The following PCDHGA4 variants were observed in gnomAD, a reference collection of about 807,000 sequenced individuals.
PCDHGA4 encodes protocadherin gamma-A4.
A neutral mutation model predicts 54.6 loss-of-function variants in PCDHGA4; 38 were observed. The ratio of observed to expected loss-of-function variants is 0.70; its 90% CI spans 0.54 to 0.91. PCDHGA4 has a LOEUF of 0.91. Ranked by LOEUF, PCDHGA4 falls within the 40% of genes least tolerant of loss-of-function variation. The probability of loss-of-function intolerance (pLI) is 0.00; values close to 1 mark genes in which losing one functional copy is unlikely to be tolerated. For missense variants in PCDHGA4, 1,298 were observed against 1,220.9 expected, an observed-to-expected ratio of 1.06 and a Z score of -0.94; for synonymous variants, 511 against 512.9, an observed-to-expected ratio of 1.00 and a Z score of 0.05.
At chr5:141,410,479 G>A in intron 1 of PCDHGA4, 2 of 1,613,956 alleles carry the variant, frequency 1.2e-6, no homozygotes, top group Non-Finnish European at 1.7e-6. Flanking sequence ...TTGCACATAC[G>A]GGTACAAAAG....
rs765809429 is a variant in PCDHGA4 at position 141,511,205 on chromosome 5, C to A, written c.*32C>A. On this transcript the variant is annotated 3_prime_UTR_variant, in exon 4 of 4. Coordinates refer to ENST00000571252, the MANE Select transcript of PCDHGA4 (RefSeq NM_018917.4). ...GGCCAGGCCAAGAGCCACAGGGCGGCCTCTCCCCAACCAGCCCAGCTTCTC... is the reference window on the plus strand; with the variant it reads ...GGCCAGGCCAAGAGCCACAGGGCGGACTCTCCCCAACCAGCCCAGCTTCTC... 4.3e-6 allele frequency: 7 copies of A among 1,611,426 alleles called. No homozygotes were observed. The Admixed American group carries it at 6.7e-5, about 15-fold the overall frequency.
chr5:141,413,381 G>A, intron 1 of PCDHGA4: 1 of 1,613,946 alleles, frequency 6.2e-7, no homozygotes, highest in Non-Finnish European at 8.5e-7. Flanking sequence ...CGCGGAGTCC[G>A]CATAGTCTCC....
intron 1 of PCDHGA4, among the ~76,000 whole-genome samples, chr5:141,407,377 C>A (rs1436703926): frequency 6.6e-6 from 1 of 152,170 alleles, no homozygotes; most frequent in Non-Finnish European, 1.5e-5. Context: ...TCCATGAAGG[C>A]TTGTATGTCA....
At chr5:141,403,574 C>A (rs1441332710) in intron 1 of PCDHGA4, 1 of 1,613,960 alleles carries the variant, frequency 6.2e-7, no homozygotes, top group Admixed American at 1.7e-5. Flanking sequence ...GGCAACTGCC[C>A]ACCACCTGGT....
At position 141,385,228 on chromosome 5, in the gene PCDHGA4, GAC is replaced by G. The variant is rs1361009837; in HGVS notation, c.2514+27609_2514+27610del. 9 of 1,614,224 alleles carry G rather than the reference GAC, an allele frequency of 5.6e-6. No individual in the cohort carries two copies. The South Asian group carries it at 8.8e-5, about 16-fold the overall frequency. On this transcript the variant is annotated intron_variant, in intron 1 of 3. Transcript: ENST00000571252. ...GATCTTCCCCCAGCCCAACTATGTAGACATGCTCATCAGCCAGGAGAGCTGTG... is the reference window on the plus strand; with the variant it reads ...GATCTTCCCCCAGCCCAACTATGTAGATGCTCATCAGCCAGGAGAGCTGTG...
chr5:141,478,381 C>A (rs931860600), intron 1 of PCDHGA4: 1 of 1,613,664 alleles, frequency 6.2e-7, no homozygotes, highest in Admixed American at 1.7e-5. Flanking sequence ...TGTCGCCGCA[C>A]CTTTACCATC....
At chr5:141,361,585 A>G in intron 1 of PCDHGA4, 1 of 1,614,014 alleles carries the variant, frequency 6.2e-7, no homozygotes, top group Non-Finnish European at 8.5e-7. Context: ...CTTGGGCCCC[A>G]GTGGCCAAGT....
rs771124496 is a variant in PCDHGA4, at chr5:141,489,457, C to T, written c.2515-5350C>T. The T allele has an allele frequency of 1.2e-5, 19 of 1,613,882 alleles. No homozygotes were observed. The highest frequency in any genetic ancestry group is 6.7e-5 in the African/African-American group (5 of 74,896). Reference sequence around the variant, plus strand: ...GCAATTGGGCTCTGAGGAGAATGGGCGCTATTTTTCCCTGAGCTTGATGAG... The same window carrying T: ...GCAATTGGGCTCTGAGGAGAATGGGTGCTATTTTTCCCTGAGCTTGATGAG... On this transcript the variant is annotated intron_variant, in intron 1 of 3. Coordinates refer to ENST00000571252, the MANE Select transcript of PCDHGA4 (RefSeq NM_018917.4). The surrounding 1 kb of genome is among the most constrained non-coding windows in gnomAD (Gnocchi z 4.5).
Position 141,371,905 on chromosome 5 carries a change from A to C in PCDHGA4, c.2514+14284A>C, listed in dbSNP as rs768388601. 6 of 1,613,358 alleles carry C rather than the reference A, an allele frequency of 3.7e-6. No homozygotes were observed. In the South Asian group the frequency reaches 6.6e-5, roughly 18 times the overall value. On this transcript the variant is annotated intron_variant, in intron 1 of 3. Coordinates refer to ENST00000571252, the MANE Select transcript of PCDHGA4 (RefSeq NM_018917.4). ...CTGGAGCCGCGGGAGCTGTCGTCCTACGTGTCCGTGAGCGCGCGGAGCGGG... is the reference window on the plus strand; with the variant it reads ...CTGGAGCCGCGGGAGCTGTCGTCCTCCGTGTCCGTGAGCGCGCGGAGCGGG...
chr5:141,371,636 G>A, intron 1 of PCDHGA4: 4 of 1,614,044 alleles, frequency 2.5e-6, no homozygotes, highest in African/African-American at 2.7e-5. Context: ...ACCGGGAGCA[G>A]ATCCCAGAAT....
chr5:141,359,948 A>C, intron 1 of PCDHGA4: 1 of 539,450 alleles, frequency 1.9e-6, no homozygotes, highest in Non-Finnish European at 3.0e-6. Context: ...GCTGTTGGTC[A>C]AAAGAACGAA....
At position 141,432,900 on chromosome 5, in the gene PCDHGA4, T is replaced by A. The variant is rs139221180; in HGVS notation, c.2515-61907T>A. ...GCCTTCGTCATCTTGCTGCTGGCGCTCAGGCTGCGGCGCTGGCACAAGTCA... is the reference window on the plus strand; with the variant it reads ...GCCTTCGTCATCTTGCTGCTGGCGCACAGGCTGCGGCGCTGGCACAAGTCA... On this transcript the variant is annotated intron_variant, in intron 1 of 3. Transcript: ENST00000571252. The surrounding 1 kb of genome is among the most constrained non-coding windows in gnomAD (Gnocchi z 6.0). The A allele has an allele frequency of 7.9e-5, 128 of 1,614,174 alleles. No homozygotes were observed. The highest frequency in any genetic ancestry group is 7.4e-4 in the East Asian group (33 of 44,868).
intron 1 of PCDHGA4, chr5:141,418,445 T>C (rs2154547687): frequency 2.5e-6 from 4 of 1,614,038 alleles, no homozygotes; most frequent in East Asian, 2.2e-5. Context: ...AGAATTAGTA[T>C]TGCAGAAGAC....
At chr5:141,460,981 GTGTA>G (rs1315974712) in intron 1 of PCDHGA4, among the ~76,000 whole-genome samples, 3 of 121,894 alleles carry the variant, frequency 2.5e-5, no homozygotes, top group Non-Finnish European at 5.1e-5. Context: ...GTGTGTGTGT[GTGTA>G]TATATATATA....
At chr5:141,449,920 A>G (rs1287640011) in intron 1 of PCDHGA4, among the ~76,000 whole-genome samples, 1 of 151,842 alleles carries the variant, frequency 6.6e-6, no homozygotes, top group East Asian at 1.9e-4. Context: ...TTTAAATTCT[A>G]CCATACCTTA....
rs2096144450 is a variant in PCDHGA4 at position 141,417,665 on chromosome 5, T to C, written c.2514+60044T>C. On this transcript the variant is annotated intron_variant, in intron 1 of 3. Coordinates refer to ENST00000571252, the MANE Select transcript of PCDHGA4 (RefSeq NM_018917.4). ...CCTCAGCCTCTAGCCTGGGATTCCCTGCGCAGCCAACAACAGAAAAGAAAA... is the reference window on the plus strand; with the variant it reads ...CCTCAGCCTCTAGCCTGGGATTCCCCGCGCAGCCAACAACAGAAAAGAAAA... 3.3e-6 allele frequency: 3 copies of C among 915,730 alleles called. No individual in the cohort carries two copies. In the South Asian group the frequency reaches 5.8e-5, roughly 18 times the overall value. 56.7% of individuals were successfully genotyped at this position (915,730 alleles called of 1,614,324 possible).
intron 1 of PCDHGA4, chr5:141,365,618 C>T: frequency 6.2e-7 from 1 of 1,613,564 alleles, no homozygotes; most frequent in Non-Finnish European, 8.5e-7. Flanking sequence ...CCATGGAACC[C>T]CGCCCCTCTC....
chr5:141,432,090 A>T lies in PCDHGA4; in HGVS notation c.2515-62717A>T. 1 of 1,614,164 alleles carries T rather than the reference A, an allele frequency of 6.2e-7. No homozygotes were observed. Among genetic ancestry groups the T allele is most frequent in the Non-Finnish European group, 8.5e-7 (1 of 1,180,034 alleles). On this transcript the variant is annotated intron_variant, in intron 1 of 3. Transcript: ENST00000571252. The surrounding 1 kb of genome is among the most constrained non-coding windows in gnomAD (Gnocchi z 6.0). ...ACTCATATCTCGCTGAACGTGGCAG[A>T]CACCAACGACAACCCGCCGGTCTTC... is the stretch of plus-strand genomic sequence containing the variant.
chr5:141,431,571 A>T lies in PCDHGA4; in HGVS notation c.2515-63236A>T, dbSNP rs781289120. 1.2e-6 allele frequency: 2 copies of T among 1,614,026 alleles called. No homozygotes were observed. Among genetic ancestry groups the T allele is most frequent in the African/African-American group, 1.3e-5 (1 of 74,938 alleles). On this transcript the variant is annotated intron_variant, in intron 1 of 3. Coordinates refer to ENST00000571252, the MANE Select transcript of PCDHGA4 (RefSeq NM_018917.4). This position sits in a 1 kb window ranked among gnomAD's most constrained non-coding sequence, Gnocchi z 4.8. ...GTAGTCAACGCTACCGACCCTGACG[A>T]AGGAGTCAATGCGGAAGTGAGGTAT...
Sources: gnomAD v4.1 joint callset for allele counts (sites outside exome capture counted in the v4.1 genomes callset) on GRCh38, gnomAD v4.1.1 for gene constraint, Gnocchi (gnomAD v3.1) non-coding constraint, MANE v1.5 for transcripts, NCBI Gene and HGNC (gene_info 2026-07-23, HGNC 2026-07-21) for gene names.